Variants in BMPER observed in about 807,000 individuals in gnomAD.
BMPER encodes BMP binding endothelial regulator.
Under a neutral mutation model 87.3 loss-of-function variants are expected in BMPER, and 45 were observed. That is an observed-to-expected ratio of 0.52 (90% CI 0.41 to 0.66). BMPER has a LOEUF of 0.66. BMPER is among the 30% of genes least tolerant of loss of function. The pLI is 0.00. For synonymous variants in BMPER, 326 were observed against 316.2 expected, an observed-to-expected ratio of 1.03 and a Z score of -0.33; for missense variants, 784 against 867.5, an observed-to-expected ratio of 0.90 and a Z score of 1.21.
At chr7:34,144,453 G>A (rs893535145) in intron 14 of BMPER, among the ~76,000 whole-genome samples, 2 of 150,324 alleles carry the variant, frequency 1.3e-5, no homozygotes, top group African/African-American at 2.5e-5. Flanking sequence ...ATACTAGATA[G>A]AGAATAAATT....
chr7:34,145,117 T>C (rs1316973257), intron 14 of BMPER, among the ~76,000 whole-genome samples: 3 of 152,218 alleles, frequency 2.0e-5, no homozygotes, highest in Admixed American at 1.3e-4. Context: ...TCAATTGGCC[T>C]TGTGTACCTT....
intron 2 of BMPER, among the ~76,000 whole-genome samples, chr7:33,918,335 C>T (rs912061875): frequency 1.3e-5 from 2 of 152,188 alleles, no homozygotes; most frequent in African/African-American, 4.8e-5. Context: ...AATTGAACAG[C>T]GCCATTTGTG....
At chr7:33,994,549 C>G (rs920247969) in intron 6 of BMPER, among the ~76,000 whole-genome samples, 2 of 152,172 alleles carry the variant, frequency 1.3e-5, no homozygotes, top group Admixed American at 1.3e-4. Flanking sequence ...GAACCCGGTG[C>G]CTCAGATGGA....
chr7:34,018,300 C>T (rs1787088810), intron 6 of BMPER, among the ~76,000 whole-genome samples: 1 of 151,944 alleles, frequency 6.6e-6, no homozygotes, highest in African/African-American at 2.4e-5. Flanking sequence ...TGGAAACCTG[C>T]TTCCTCTGTC....
At chr7:34,074,811 A>G (rs892156561) in intron 11 of BMPER, among the ~76,000 whole-genome samples, 2 of 152,244 alleles carry the variant, frequency 1.3e-5, no homozygotes, top group African/African-American at 4.8e-5. Flanking sequence ...CGACATGTTA[A>G]GTAAAAAATA....
intron 6 of BMPER, among the ~76,000 whole-genome samples, chr7:34,004,827 A>G (rs1373053109): frequency 6.6e-6 from 1 of 152,076 alleles, no homozygotes; most frequent in Non-Finnish European, 1.5e-5. Context: ...TCACTTTCGG[A>G]TTGCACAGAG....
intron 14 of BMPER, among the ~76,000 whole-genome samples, chr7:34,144,986 T>C (rs1023717029): frequency 1.3e-5 from 2 of 152,234 alleles, no homozygotes; most frequent in Non-Finnish European, 2.9e-5. Context: ...GATTGCAGTG[T>C]ACAGACATTG....
intron 6 of BMPER, among the ~76,000 whole-genome samples, chr7:34,011,758 G>A (rs565553397): frequency 2.0e-5 from 3 of 151,730 alleles, no homozygotes; most frequent in Non-Finnish European, 4.4e-5. Context: ...GTTTACATTG[G>A]AGATATGAAA....
intron 13 of BMPER, among the ~76,000 whole-genome samples, chr7:34,094,672 C>T (rs1372763906): frequency 2.6e-5 from 4 of 152,142 alleles, no homozygotes; most frequent in Admixed American, 1.3e-4. Context: ...GTTAGGCAGG[C>T]GAGCTCACCC....
At chr7:33,978,450 G>C (rs1785751051) in intron 6 of BMPER, among the ~76,000 whole-genome samples, 1 of 152,172 alleles carries the variant, frequency 6.6e-6, no homozygotes, top group South Asian at 2.1e-4. Flanking sequence ...AGTCTTGCTG[G>C]GGAAAGTCTG....
At chr7:33,983,178 C>T (rs1785909476) in intron 6 of BMPER, among the ~76,000 whole-genome samples, 2 of 152,120 alleles carry the variant, frequency 1.3e-5, no homozygotes, top group Non-Finnish European at 2.9e-5. Flanking sequence ...TTAAATTCTA[C>T]CTCATCCTGG....
intron 7 of BMPER, among the ~76,000 whole-genome samples, chr7:34,049,097 C>T (rs1333935690): frequency 6.6e-6 from 1 of 152,130 alleles, no homozygotes; most frequent in Non-Finnish European, 1.5e-5. Flanking sequence ...CATGATATAC[C>T]TCTGCCTTTT....
chr7:34,078,342 A>G (rs929698688), intron 11 of BMPER, among the ~76,000 whole-genome samples: 6 of 152,196 alleles, frequency 3.9e-5, no homozygotes, highest in African/African-American at 1.2e-4. Context: ...CTATTGATTT[A>G]TCCTAGGTAA....
chr7:33,905,458 C>G (rs538343641), upstream of BMPER: 16 of 490,568 alleles, frequency 3.3e-5, no homozygotes, highest in Admixed American at 3.7e-4. Context: ...CTCCCTCACA[C>G]CCCCCCGCCC....
intron 13 of BMPER, among the ~76,000 whole-genome samples, chr7:34,136,839 C>T (rs2127992982): frequency 6.6e-6 from 1 of 152,338 alleles, no homozygotes; most frequent in South Asian, 2.1e-4. Flanking sequence ...GTGGAGCTGG[C>T]ACCTGTCACT....
rs147153402 is a variant in BMPER at position 34,094,448 on chromosome 7, C to T, written c.1745+8356C>T. Among the ~76,000 whole-genome samples the T allele has an allele frequency of 3.4e-4, 52 of 152,314 alleles. No individual in the cohort carries two copies. The East Asian group carries it at 9.1e-3, about 27-fold the overall frequency. On this transcript the variant is annotated intron_variant, in intron 13 of 14. Transcript: ENST00000649409. ...GTGGGGAGCTCTCCCTTGAAGGGAACGTGCCCTCTGGGAAGAGCCAGTGAG... is the reference window on the plus strand; with the variant it reads ...GTGGGGAGCTCTCCCTTGAAGGGAATGTGCCCTCTGGGAAGAGCCAGTGAG...
At chr7:33,988,250 C>CT (rs1786070442) in intron 6 of BMPER, among the ~76,000 whole-genome samples, 1 of 152,070 alleles carries the variant, frequency 6.6e-6, no homozygotes, top group African/African-American at 2.4e-5. Context: ...AGGAGTGACT[C>CT]TTTTTTGACA....
chr7:34,070,028 C>T (rs1394072215), intron 11 of BMPER, among the ~76,000 whole-genome samples: 1 of 152,072 alleles, frequency 6.6e-6, no homozygotes, highest in Middle Eastern at 3.2e-3. Context: ...TTACTTTTTG[C>T]TTTTTCATCT....
At chr7:34,142,100 G>GT (rs1790889635) in intron 13 of BMPER, among the ~76,000 whole-genome samples, 2 of 152,178 alleles carry the variant, frequency 1.3e-5, no homozygotes, top group South Asian at 4.1e-4. Flanking sequence ...GAGGAAGGGA[G>GT]TTTGCTGAAC....
Sources: allele counts gnomAD v4.1 joint callset (sites outside exome capture counted in the v4.1 genomes callset), GRCh38; gene constraint gnomAD v4.1.1; transcripts MANE v1.5; gene names NCBI Gene and HGNC (gene_info 2026-07-23, HGNC 2026-07-21).